Variants in UVSSA observed in about 807,000 individuals in gnomAD.
The protein encoded by UVSSA is UV stimulated scaffold protein A.
A neutral mutation model predicts 73.9 loss-of-function variants in UVSSA; 72 were observed. The observed-to-expected ratio is 0.97, with a 90% confidence interval of 0.81 to 1.19. The LOEUF (loss-of-function observed/expected upper bound fraction) is 1.19, where lower values mean the gene tolerates loss of function less well. Among genes scored for constraint, UVSSA ranks in the 50% most tolerant of loss-of-function variants. UVSSA has a pLI of 0.00. For synonymous variants in UVSSA, 454 were observed against 391.3 expected (o/e 1.16, Z -1.89); for missense variants, 1,150 against 965.0 (o/e 1.19, Z -2.54).
rs115918716 is a variant in UVSSA, at chr4:1,374,154, C to T, written c.1289-1210C>T. ...AGCTCTCCGAAGTCTGGCTTCCCTG[C>T]GGTCCAGGTTCTTCTGGGGTCCTGA... On this transcript the variant is annotated intron_variant, in intron 8 of 13. Coordinates refer to ENST00000389851, the MANE Select transcript of UVSSA (RefSeq NM_020894.4). Among the ~76,000 whole-genome samples, 641 of 152,344 alleles carry T rather than the reference C, an allele frequency of 4.2e-3. 3 individuals are homozygous for T. The highest frequency in any genetic ancestry group is 0.015 in the African/African-American group (617 of 41,580).
intron 10 of UVSSA, among the ~76,000 whole-genome samples, chr4:1,376,385 T>G (rs981626971): frequency 3.3e-5 from 5 of 152,200 alleles, no homozygotes; most frequent in Non-Finnish European, 5.9e-5. Context: ...GCCTTTCTGC[T>G]GCTGTGTCGG....
chr4:1,344,336 A>G (rs1367115437), upstream of UVSSA, among the ~76,000 whole-genome samples: 1 of 152,166 alleles, frequency 6.6e-6, no homozygotes, highest in Non-Finnish European at 1.5e-5. Flanking sequence ...AGATCACTTG[A>G]GGCCAGGAGT....
chr4:1,354,923 G>A, intron 6 of UVSSA, 76 bp downstream of exon 6: 1 of 1,531,248 alleles, frequency 6.5e-7, no homozygotes, highest in Non-Finnish European at 8.8e-7. Context: ...CCCTTTCTTG[G>A]GGGGACTGTG....
Position 1,377,152 on chromosome 4 carries a change from G to A in UVSSA, c.1568+984G>A, listed in dbSNP as rs74341625. On this transcript the variant is annotated intron_variant, in intron 10 of 13. Coordinates refer to ENST00000389851, the MANE Select transcript of UVSSA (RefSeq NM_020894.4). ...CAGAGAGCGGGGGGGCAGGGGAGCCGGGCAAGGGTCCTGGGGCAGCTTCAG... is the reference window on the plus strand; with the variant it reads ...CAGAGAGCGGGGGGGCAGGGGAGCCAGGCAAGGGTCCTGGGGCAGCTTCAG... Among the ~76,000 whole-genome samples the A allele has an allele frequency of 8.1e-3, 1,237 of 152,274 alleles. 23 individuals carry two copies. The highest frequency in any genetic ancestry group is 0.028 in the African/African-American group (1,143 of 41,536).
chr4:1,343,637 A>G (rs1348115320), upstream of UVSSA, among the ~76,000 whole-genome samples: 1 of 152,112 alleles, frequency 6.6e-6, no homozygotes, highest in Non-Finnish European at 1.5e-5. Context: ...AAATACACAA[A>G]TTAGCCAGGC....
At chr4:1,375,748 G>A (rs980449369) in intron 9 of UVSSA, among the ~76,000 whole-genome samples, 4 of 152,210 alleles carry the variant, frequency 2.6e-5, no homozygotes, top group Non-Finnish European at 2.9e-5. Context: ...GACACTGCCC[G>A]TGCCTCTGAG....
chr4:1,348,139 A>G lies in UVSSA; in HGVS notation c.48A>G (p.Gly16=), dbSNP rs761048585. The G allele has an allele frequency of 2.5e-6, 4 of 1,614,022 alleles. No individual in the cohort carries two copies. Among genetic ancestry groups the G allele is most frequent in the Non-Finnish European group, 3.4e-6 (4 of 1,180,004 alleles). ...TGGTAGAAGAGCTCACAACTTCAGG[A>G]GAACCCCGACTAAATCCTGAGAAAA... The part of the protein sequence containing the change: ...SKLVEELTTS[G]EPRLNPEKMK... The change falls in exon 2 of 14, where the codon GGA becomes GGG. Residue 16 remains glycine (G), a synonymous_variant. Transcript: ENST00000389851.
At chr4:1,367,831 C>CA (rs905406686) in intron 8 of UVSSA, among the ~76,000 whole-genome samples, 1 of 151,996 alleles carries the variant, frequency 6.6e-6, no homozygotes, top group Non-Finnish European at 1.5e-5. Context: ...GCTGTGCCCT[C>CA]ATCGGGCTTC....
intron 7 of UVSSA, among the ~76,000 whole-genome samples, chr4:1,363,290 ATT>A (rs1716896786): frequency 1.3e-5 from 2 of 152,262 alleles, no homozygotes; most frequent in South Asian, 4.1e-4. Context: ...ATCAGCGCTG[ATT>A]TAAGAACAAA....
upstream of UVSSA, among the ~76,000 whole-genome samples, chr4:1,342,495 A>G (rs1713466476): frequency 6.6e-6 from 1 of 152,202 alleles, no homozygotes; most frequent in African/African-American, 2.4e-5. Flanking sequence ...TGATCAGCAG[A>G]TTTTTTAAGT....
chr4:1,375,479 G>T lies in UVSSA; in HGVS notation c.1404G>T (p.Arg468=). ...TSAAAQLRQL[R]DHLPPPSSAS... is the part of the protein sequence containing the mutation. ...CGGCTGCTCAGCTGCGGCAGCTCCG[G>T]GACCACTTGCCTCCACCCTCATCTG... The change falls in exon 9 of 14, where the codon CGG becomes CGT. Residue 468 remains arginine (R), a synonymous_variant. Transcript: ENST00000389851. 6.2e-7 allele frequency: 1 copy of T among 1,611,838 alleles called. No homozygotes were observed. Among genetic ancestry groups the T allele is most frequent in the Non-Finnish European group, 8.5e-7 (1 of 1,179,934 alleles).
At chr4:1,385,703 C>A in intron 13 of UVSSA, 165 bp from the exon 14 acceptor site, 1 of 677,256 alleles carries the variant, frequency 1.5e-6, no homozygotes, top group South Asian at 1.8e-5. Context: ...GGCCAAGGGG[C>A]CCGTCGCCCA....
intron 9 of UVSSA, 140 bp downstream of exon 9, chr4:1,375,648 C>T (rs548656992): frequency 2.5e-4 from 342 of 1,351,204 alleles, no homozygotes; most frequent in Middle Eastern, 5.4e-4. Context: ...TACCCCCGGC[C>T]GGGTGAGCAG....
chr4:1,394,516 A>C, exon 14 of UVSSA: 1 of 1,596,832 alleles, frequency 6.3e-7, no homozygotes, highest in African/African-American at 1.4e-5. Flanking sequence ...CCTCTTATGC[A>C]TGAGCCCTCG....
At chr4:1,352,769 TAGC>T (rs1294540141) in intron 4 of UVSSA, among the ~76,000 whole-genome samples, 2 of 152,224 alleles carry the variant, frequency 1.3e-5, no homozygotes, top group Non-Finnish European at 2.9e-5. Flanking sequence ...CTGGGCAACA[TAGC>T]AGGACCCTGT....
At chr4:1,395,486 C>G in exon 14 of UVSSA, 1 of 1,579,432 alleles carries the variant, frequency 6.3e-7, no homozygotes, top group Non-Finnish European at 8.6e-7. Flanking sequence ...CTCACACGTG[C>G]CATTGTGGAG....
intron 2 of UVSSA, 78 bp from the exon 3 acceptor site, chr4:1,349,446 G>GCGC: frequency 7.1e-7 from 1 of 1,398,668 alleles, no homozygotes; most frequent in Non-Finnish European, 9.8e-7. Context: ...CGTGCGTGCG[G>GCGC]CATCCATGCA....
chr4:1,395,228 C>T lies in UVSSA; in HGVS notation c.*9267C>T, dbSNP rs77022425. 2.9e-4 allele frequency: 403 copies of T among 1,380,418 alleles called. 5 individuals carry two copies. The highest frequency in any genetic ancestry group is 1.9e-3 in the East Asian group (83 of 43,646). 85.5% of individuals were successfully genotyped at this position (1,380,418 alleles called of 1,614,324 possible). On this transcript the variant is annotated 3_prime_UTR_variant, in exon 14 of 14. Coordinates refer to the UVSSA transcript ENST00000511216. ...CTCACACGTGCCGATGCGGAGTGCCCGCCTGCTCACACGTGCCCATGTGGA... is the reference window on the plus strand; with the variant it reads ...CTCACACGTGCCGATGCGGAGTGCCTGCCTGCTCACACGTGCCCATGTGGA...
intron 10 of UVSSA, among the ~76,000 whole-genome samples, chr4:1,377,890 C>T (rs1258733586): frequency 2.0e-5 from 3 of 152,260 alleles, no homozygotes; most frequent in Admixed American, 2.0e-4. Context: ...TGGCAGCGGC[C>T]CGGGCTGGGG....
Sources: gnomAD v4.1 joint callset for allele counts (sites outside exome capture counted in the v4.1 genomes callset) on GRCh38, gnomAD v4.1.1 for gene constraint, MANE v1.5 for transcripts, NCBI Gene and HGNC (gene_info 2026-07-23, HGNC 2026-07-21) for gene names.